The following CNTN5 variants were observed in gnomAD, a reference collection of about 807,000 sequenced individuals.
CNTN5 encodes contactin 5.
In CNTN5, 77 loss-of-function variants were observed where a neutral mutation model predicts 129.1. That is an observed-to-expected ratio of 0.60 (90% CI 0.50 to 0.72). CNTN5 has a LOEUF of 0.72. CNTN5 is among the 30% of genes least tolerant of loss of function. The probability of loss-of-function intolerance (pLI) is 0.00; values close to 1 mark genes in which losing one functional copy is unlikely to be tolerated. For missense variants in CNTN5, 1,478 were observed against 1,328.8 expected (o/e 1.11, Z -1.75); for synonymous variants, 509 against 465.6 (o/e 1.09, Z -1.20).
intron 1 of CNTN5, among the ~76,000 whole-genome samples, chr11:99,322,616 T>G (rs1186476116): frequency 1.3e-5 from 2 of 152,154 alleles, no homozygotes; most frequent in Admixed American, 6.6e-5. Flanking sequence ...TTTAAATATT[T>G]GTTTTTCTGG....
intron 1 of CNTN5, among the ~76,000 whole-genome samples, chr11:99,196,760 C>A (rs992228501): frequency 6.6e-6 from 1 of 151,382 alleles, no homozygotes; most frequent in Non-Finnish European, 1.5e-5. Flanking sequence ...AAGTTGTCTC[C>A]CAACATCCTT....
chr11:99,739,015 A>G (rs1943805902), intron 3 of CNTN5, among the ~76,000 whole-genome samples: 2 of 152,152 alleles, frequency 1.3e-5, no homozygotes, highest in South Asian at 2.1e-4. Context: ...TAGACGATAG[A>G]TTAAGAGTTC....
intron 3 of CNTN5, among the ~76,000 whole-genome samples, chr11:99,692,258 G>A (rs920106475): frequency 1.3e-5 from 2 of 152,086 alleles, no homozygotes; most frequent in African/African-American, 4.8e-5. Flanking sequence ...TTATTGTTAT[G>A]TGTGGATTTG....
chr11:99,405,332 A>G (rs986087494), intron 2 of CNTN5, among the ~76,000 whole-genome samples: 2 of 152,064 alleles, frequency 1.3e-5, no homozygotes, highest in African/African-American at 2.4e-5. Context: ...TGAAGACAGT[A>G]ACTCTTAGGT....
rs574039599 is a variant in CNTN5, at chr11:99,860,806, G to A, written c.577+15544G>A. Among the ~76,000 whole-genome samples the A allele has an allele frequency of 3.3e-5, 5 of 151,984 alleles. No individual in the cohort carries two copies. The East Asian group carries it at 9.7e-4, about 29-fold the overall frequency. On this transcript the variant is annotated intron_variant, in intron 6 of 24. Coordinates refer to ENST00000524871, the MANE Select transcript of CNTN5 (RefSeq NM_014361.4). ...TGTTTTTCTTGTTGTTGTTACATAT[G>A]AATTTTAGAATTTTTTTTTAGTTAT... is the stretch of plus-strand genomic sequence containing the variant.
intron 3 of CNTN5, among the ~76,000 whole-genome samples, chr11:99,713,305 A>G (rs774707883): frequency 5.3e-5 from 8 of 151,488 alleles, no homozygotes; most frequent in Non-Finnish European, 1.2e-4. Context: ...TGTTGTTGTT[A>G]TTGGTGTATA....
chr11:99,995,915 G>T (rs1422005193), intron 8 of CNTN5, among the ~76,000 whole-genome samples: 2 of 152,136 alleles, frequency 1.3e-5, no homozygotes, highest in Non-Finnish European at 2.9e-5. Context: ...ACCTCTAAAT[G>T]ACTGTAGGTG....
chr11:99,893,797 A>G (rs898822482), intron 6 of CNTN5, among the ~76,000 whole-genome samples: 2 of 152,176 alleles, frequency 1.3e-5, no homozygotes, highest in Non-Finnish European at 2.9e-5. Flanking sequence ...ATCTATCTAT[A>G]TATGTGTGTA....
At chr11:100,131,276 G>C (rs891560579) in intron 13 of CNTN5, among the ~76,000 whole-genome samples, 2 of 151,996 alleles carry the variant, frequency 1.3e-5, no homozygotes, top group African/African-American at 4.8e-5. Context: ...TAGTGATGAA[G>C]AGCAAAGGAA....
intron 13 of CNTN5, among the ~76,000 whole-genome samples, chr11:100,085,620 G>A (rs1287154508): frequency 4.0e-5 from 6 of 151,874 alleles, no homozygotes. Flanking sequence ...AATAAAAATA[G>A]GACTGACTGA....
Position 99,613,021 on chromosome 11 carries a change from G to C in CNTN5, c.55+56752G>C, listed in dbSNP as rs1050250661. Among the ~76,000 whole-genome samples the C allele has an allele frequency of 2.6e-5, 4 of 152,268 alleles. No individual in the cohort carries two copies. In the East Asian group the frequency reaches 5.8e-4, roughly 22 times the overall value. ...TTCAGAGTCACTTACACTCCAGGAA[G>C]TTTGGAAGCCAAATGGCAAAGTAGA... On this transcript the variant is annotated intron_variant, in intron 3 of 24. Coordinates refer to ENST00000524871, the MANE Select transcript of CNTN5 (RefSeq NM_014361.4).
intron 7 of CNTN5, among the ~76,000 whole-genome samples, chr11:99,933,049 A>C (rs1319033370): frequency 6.6e-6 from 1 of 152,140 alleles, no homozygotes; most frequent in Non-Finnish European, 1.5e-5. Context: ...ACTGTTTATT[A>C]ATTGTTCTAA....
At chr11:100,084,512 G>A (rs1944475149) in intron 13 of CNTN5, among the ~76,000 whole-genome samples, 4 of 152,194 alleles carry the variant, frequency 2.6e-5, no homozygotes, top group South Asian at 4.1e-4. Context: ...AATTTATAAT[G>A]AGAATTAGAG....
intron 13 of CNTN5, among the ~76,000 whole-genome samples, chr11:100,096,217 A>G (rs1438606097): frequency 6.6e-6 from 1 of 152,042 alleles, no homozygotes; most frequent in Non-Finnish European, 1.5e-5. Context: ...TTGCTAGACT[A>G]TTTGCTTGAC....
intron 6 of CNTN5, among the ~76,000 whole-genome samples, chr11:99,886,686 A>T (rs1948909483): frequency 6.6e-6 from 1 of 152,218 alleles, no homozygotes; most frequent in Admixed American, 6.5e-5. Context: ...GTATCAATAG[A>T]AACATGGATT....
intron 3 of CNTN5, among the ~76,000 whole-genome samples, chr11:99,572,834 A>G (rs927846776): frequency 1.3e-5 from 2 of 152,168 alleles, no homozygotes; most frequent in South Asian, 4.1e-4. Context: ...GAATGGAAGA[A>G]TATATTGGCG....
chr11:100,298,955 T>A (rs932018517), intron 19 of CNTN5, among the ~76,000 whole-genome samples: 1 of 151,598 alleles, frequency 6.6e-6, no homozygotes, highest in East Asian at 1.9e-4. Flanking sequence ...TTTCAACTGA[T>A]ACAATTTTTC....
intron 2 of CNTN5, among the ~76,000 whole-genome samples, chr11:99,429,931 G>GT (rs763229277): frequency 2.9e-4 from 42 of 144,224 alleles, no homozygotes; most frequent in Admixed American, 1.3e-3. Flanking sequence ...ACAGACCATG[G>GT]TAAAAAAAAA....
At chr11:100,125,080 A>G (rs1946140366) in intron 13 of CNTN5, among the ~76,000 whole-genome samples, 1 of 152,184 alleles carries the variant, frequency 6.6e-6, no homozygotes, top group African/African-American at 2.4e-5. Context: ...TGAAATAGGT[A>G]AGGATGATGT....
Sources: allele counts gnomAD v4.1 joint callset (sites outside exome capture counted in the v4.1 genomes callset), GRCh38; gene constraint gnomAD v4.1.1; transcripts MANE v1.5; gene names NCBI Gene and HGNC (gene_info 2026-07-23, HGNC 2026-07-21).